ZNF66: variants seen among roughly 807,000 people sequenced by gnomAD.
ZNF66 encodes putative zinc finger protein 66.
ZNF66 carries 32 observed loss-of-function variants against 35.2 expected under a neutral mutation model. That is an observed-to-expected ratio of 0.91 (90% CI 0.69 to 1.22). The LOEUF is 1.22. Among genes scored for constraint, ZNF66 ranks in the 50% most tolerant of loss-of-function variants. ZNF66 has a pLI of 0.00. For missense variants in ZNF66, 666 were observed against 543.1 expected, an observed-to-expected ratio of 1.23 and a Z score of -2.25; for synonymous variants, 231 against 181.3, an observed-to-expected ratio of 1.27 and a Z score of -2.20.
intron 2 of ZNF66, among the ~76,000 whole-genome samples, chr19:20,793,091 A>G (rs918423748): frequency 2.0e-5 from 3 of 151,468 alleles, no homozygotes; most frequent in African/African-American, 7.3e-5. Flanking sequence ...AAAAAGAAAG[A>G]AAAAAATTTC....
intron 1 of ZNF66, among the ~76,000 whole-genome samples, chr19:20,776,652 C>T (rs1971197629): frequency 6.6e-6 from 1 of 152,212 alleles, no homozygotes; most frequent in African/African-American, 2.4e-5. Flanking sequence ...GACTGTGCCC[C>T]TGGCCTGGAG....
At position 20,792,611 on chromosome 19, in the gene ZNF66, G is replaced by C; in HGVS notation, c.103G>C (p.Glu35Gln). The C allele has an allele frequency of 6.8e-7, 1 of 1,462,290 alleles. No individual in the cohort carries two copies. The highest frequency in any genetic ancestry group is 1.4e-5 in the African/African-American group (1 of 71,140). The allele number at this position is 1,462,290 out of a possible 1,614,324, so 90.6% of individuals were successfully genotyped here. The part of the protein sequence containing the change: ...QRNLYRDVML[E>Q]NYRNLVFLGI... ...GAATTTATATAGGGATGTGATGTTA[G>C]AGAACTACAGAAACCTGGTCTTTCT... Residue 35 changes from glutamate (E) to glutamine (Q), a missense_variant, in exon 2 of 4, where the codon GAG becomes CAG. Physicochemically the swap from Glu to Gln is conservative, Grantham distance 29. Transcript: ENST00000344519.
Position 20,776,344 on chromosome 19 carries a change from GCT to G in ZNF66, c.-99_-98del, listed in dbSNP as rs1401858454. ...TGGAGCTCCAGGTCGTCTGTTCACT[GCT>G]CTCTGTCTTCTTCTCCTAGAGGCCC... On this transcript the variant is annotated 5_prime_UTR_variant, in exon 1 of 4. Coordinates refer to ENST00000344519, the MANE Select transcript of ZNF66 (RefSeq NM_001355197.2). 1.6e-5 allele frequency: 23 copies of G among 1,479,730 alleles called. No individual in the cohort carries two copies. The highest frequency in any genetic ancestry group is 1.4e-4 in the South Asian group (12 of 88,312). 91.7% of individuals were successfully genotyped at this position (1,479,730 alleles called of 1,614,324 possible).
Position 20,807,180 on chromosome 19 carries a change from A to T in ZNF66, c.1580A>T (p.His527Leu), listed in dbSNP as rs759738964. 1 of 761,716 alleles carries T rather than the reference A, an allele frequency of 1.3e-6. No individual in the cohort carries two copies. Among genetic ancestry groups the T allele is most frequent in the Non-Finnish European group, 2.3e-6 (1 of 435,768 alleles). 47.2% of individuals were successfully genotyped at this position (761,716 alleles called of 1,614,324 possible). A position where few individuals can be genotyped will look rare whatever the true frequency, so the allele number is the denominator to read the frequency against. The change falls in exon 4 of 4, where the codon CAT (histidine) becomes CTT (leucine). Residue 527 changes from histidine to leucine, a missense_variant. Transcript: ENST00000344519. Reference protein sequence around the residue: ...DFKYSSTLTRHKKIHTGGKPH... With the variant: ...DFKYSSTLTRLKKIHTGGKPH... Reference sequence around the variant, plus strand: ...AAGTACTCCTCTACCCTTACTAGACATAAGAAAATTCATACTGGAGGGAAA... The same window carrying T: ...AAGTACTCCTCTACCCTTACTAGACTTAAGAAAATTCATACTGGAGGGAAA...
intron 3 of ZNF66, among the ~76,000 whole-genome samples, chr19:20,797,144 C>T (rs1971400110): frequency 6.7e-6 from 1 of 150,234 alleles, no homozygotes; most frequent in South Asian, 2.1e-4. Flanking sequence ...AGCCACCACA[C>T]CCGGCCTGAC....
At position 20,805,996 on chromosome 19, in the gene ZNF66, A is replaced by T. The variant is rs751967827; in HGVS notation, c.396A>T (p.Gly132=). The T allele has an allele frequency of 6.3e-6, 5 of 792,322 alleles. No individual in the cohort carries two copies. In the East Asian group the frequency reaches 1.2e-4, roughly 19 times the overall value. 49.1% of individuals were successfully genotyped at this position (792,322 alleles called of 1,614,324 possible). ...KCKVHKRGYN[G]LNQCLTTTQS... Reference sequence around the variant, plus strand: ...AAGTGCACAAAAGAGGTTATAATGGACTTAACCAATGTTTGACAACTACCC... The same window carrying T: ...AAGTGCACAAAAGAGGTTATAATGGTCTTAACCAATGTTTGACAACTACCC... The change falls in exon 4 of 4, where the codon GGA becomes GGT. Residue 132 remains glycine (G), a synonymous_variant. Transcript: ENST00000344519.
chr19:20,788,174 C>G (rs186387584), intron 1 of ZNF66, among the ~76,000 whole-genome samples: 1 of 152,038 alleles, frequency 6.6e-6, no homozygotes, highest in Non-Finnish European at 1.5e-5. Flanking sequence ...TCTGGAGACT[C>G]AAACAGATAA....
intron 3 of ZNF66, among the ~76,000 whole-genome samples, chr19:20,804,814 G>T (rs1971484073): frequency 6.6e-6 from 1 of 152,106 alleles, no homozygotes; most frequent in African/African-American, 2.4e-5. Context: ...AAAATTTTGT[G>T]TTTATTGTTT....
intron 1 of ZNF66, among the ~76,000 whole-genome samples, chr19:20,784,329 A>G (rs1599546551): frequency 6.6e-6 from 1 of 152,326 alleles, no homozygotes; most frequent in East Asian, 1.9e-4. Flanking sequence ...ATACTTAGAT[A>G]TTTATATCTA....
At chr19:20,783,211 T>G (rs1971259784) in intron 1 of ZNF66, among the ~76,000 whole-genome samples, 1 of 152,204 alleles carries the variant, frequency 6.6e-6, no homozygotes, top group Admixed American at 6.6e-5. Flanking sequence ...TCTTGTGCAC[T>G]CGTGGATTTT....
At position 20,776,437 on chromosome 19, in the gene ZNF66, G is replaced by C; in HGVS notation, c.-11G>C. The C allele has an allele frequency of 1.3e-6, 2 of 1,559,314 alleles. No homozygotes were observed. The highest frequency in any genetic ancestry group is 1.8e-6 in the Non-Finnish European group (2 of 1,132,162). On this transcript the variant is annotated 5_prime_UTR_variant, in exon 1 of 4. Transcript: ENST00000344519. Reference sequence around the variant, plus strand: ...ACAGCTAAGACGCCAGGACCCCCTGGAAGCCTAGAAATGGTGAGAGTGCCG... The same window carrying C: ...ACAGCTAAGACGCCAGGACCCCCTGCAAGCCTAGAAATGGTGAGAGTGCCG...
intron 1 of ZNF66, 54 bp from the exon 2 acceptor site, chr19:20,792,458 T>G (rs776453009): frequency 7.1e-7 from 1 of 1,414,164 alleles, no homozygotes; most frequent in Non-Finnish European, 9.7e-7. Flanking sequence ...TAAGTCAAAT[T>G]AAAAATTCCG....
In ZNF66 at chr19:20,805,933, G is replaced by A. The variant is rs745610471; in HGVS notation, c.333G>A (p.Leu111=). ...ATAAAAAATGTGGACATGATAATTT[G>A]CAGTTAAAAAAAGGCTGTGAAAGTG... ...RRHKKCGHDN[L]QLKKGCESVD... The change falls in exon 4 of 4, where the codon TTG becomes TTA. Residue 111 remains leucine, a synonymous_variant. Coordinates refer to ENST00000344519, the MANE Select transcript of ZNF66 (RefSeq NM_001355197.2). The A allele has an allele frequency of 5.9e-6, 4 of 682,326 alleles. No homozygotes were observed. The highest frequency in any genetic ancestry group is 1.8e-5 in the African/African-American group (1 of 55,748). The allele number at this position is 682,326 out of a possible 1,614,324, so 42.3% of individuals were successfully genotyped here. A position where few individuals can be genotyped will look rare whatever the true frequency, so the allele number is the denominator to read the frequency against.
At position 20,803,522 on chromosome 19, in the gene ZNF66, A is replaced by G. The variant is rs1971470985; in HGVS notation, c.227-2305A>G. On this transcript the variant is annotated intron_variant, in intron 3 of 3. Transcript: ENST00000344519. ...CTTCTATTTTGTTATTGAGTTTGCC[A>G]ATTATATTTTTTATGTTTGTATATT... Among the ~76,000 whole-genome samples the G allele has an allele frequency of 2.0e-5, 3 of 152,034 alleles. No homozygotes were observed. The South Asian group carries it at 6.2e-4, about 31-fold the overall frequency.
At chr19:20,797,719 A>G (rs1387497580) in intron 3 of ZNF66, among the ~76,000 whole-genome samples, 1 of 151,728 alleles carries the variant, frequency 6.6e-6, no homozygotes, top group African/African-American at 2.4e-5. Context: ...GTGTGCCACC[A>G]TGCCTGGCTA....
chr19:20,805,124 T>G (rs201206828), intron 3 of ZNF66, among the ~76,000 whole-genome samples: 1 of 144,472 alleles, frequency 6.9e-6, no homozygotes, highest in Non-Finnish European at 1.5e-5. Context: ...TGTGTGTGTG[T>G]GTGAGAGAGA....
At position 20,806,358 on chromosome 19, in the gene ZNF66, G is replaced by A; in HGVS notation, c.758G>A (p.Gly253Glu). The A allele has an allele frequency of 1.9e-6, 3 of 1,567,274 alleles. No individual in the cohort carries two copies. The highest frequency in any genetic ancestry group is 1.3e-5 in the African/African-American group (1 of 74,088). ...NLTTHKKIHTGEKPYKCEECG... is the reference protein window; with the variant it reads ...NLTTHKKIHTEEKPYKCEECG... The stretch of plus-strand genomic sequence containing the variant: ...ACTACACATAAGAAAATTCATACTG[G>A]AGAGAAACCCTACAAATGTGAAGAA... The change falls in exon 4 of 4, where the codon GGA (glycine) becomes GAA (glutamate). Residue 253 changes from glycine (G) to glutamate (E), a missense_variant. Coordinates refer to ENST00000344519, the MANE Select transcript of ZNF66 (RefSeq NM_001355197.2).
At chr19:20,786,533 G>T (rs575194218) in intron 1 of ZNF66, among the ~76,000 whole-genome samples, 77 of 152,234 alleles carry the variant, frequency 5.1e-4, no homozygotes, top group African/African-American at 1.8e-3. Context: ...AGCCATTCAG[G>T]CCATAAATCT....
chr19:20,794,054 G>T, intron 3 of ZNF66, 176 bp downstream of exon 3: 1 of 568,694 alleles, frequency 1.8e-6, no homozygotes, highest in South Asian at 2.3e-5. Flanking sequence ...TGTCACAAAG[G>T]GGCATATTGT....
Sources: allele counts gnomAD v4.1 joint callset (sites outside exome capture counted in the v4.1 genomes callset), GRCh38; gene constraint gnomAD v4.1.1; transcripts MANE v1.5; gene names NCBI Gene and HGNC (gene_info 2026-07-23, HGNC 2026-07-21).